The following EDIL3 variants were observed in gnomAD, a reference collection of about 807,000 sequenced individuals.
The protein encoded by EDIL3 is EGF like and discoidin domains 3, also known as EGF-like repeat and discoidin I-like domain-containing protein 3.
Under a neutral mutation model 67.4 loss-of-function variants are expected in EDIL3, and 37 were observed. The observed-to-expected ratio is 0.55, with a 90% CI of 0.42 to 0.72. EDIL3 has a LOEUF of 0.72. Ranked by LOEUF, EDIL3 falls within the 30% of genes least tolerant of loss-of-function variation. EDIL3 has a pLI of 0.00. For missense variants in EDIL3, 527 were observed against 586.3 expected (o/e 0.90, Z 1.04); for synonymous variants, 195 against 196.3 (o/e 0.99, Z 0.05).
chr5:84,223,450 G>T (rs1462432985), intron 3 of EDIL3, among the ~76,000 whole-genome samples: 1 of 151,670 alleles, frequency 6.6e-6, no homozygotes, highest in Non-Finnish European at 1.5e-5. Flanking sequence ...CCTTATAAAA[G>T]AAGGAGATTC....
At chr5:84,360,747 T>A (rs994354874) in intron 1 of EDIL3, among the ~76,000 whole-genome samples, 1 of 152,280 alleles carries the variant, frequency 6.6e-6, no homozygotes, top group Non-Finnish European at 1.5e-5. Flanking sequence ...GAAATTCTGA[T>A]TTCATTTCAC....
At chr5:83,952,702 T>A (rs1360686739) in intron 10 of EDIL3, among the ~76,000 whole-genome samples, 1 of 151,834 alleles carries the variant, frequency 6.6e-6, no homozygotes, top group Non-Finnish European at 1.5e-5. Context: ...TCACACTATG[T>A]ATTTTCCATC....
chr5:84,204,397 A>G (rs1743914246), intron 3 of EDIL3, among the ~76,000 whole-genome samples: 1 of 152,190 alleles, frequency 6.6e-6, no homozygotes, highest in Admixed American at 6.5e-5. Context: ...TATTCTCATC[A>G]AATGTAGATT....
At chr5:84,366,453 A>C (rs569708510) in intron 1 of EDIL3, among the ~76,000 whole-genome samples, 2 of 152,134 alleles carry the variant, frequency 1.3e-5, no homozygotes, top group African/African-American at 4.8e-5. Context: ...GAAACCTAGG[A>C]GCTTTACTTT....
chr5:84,206,930 G>A (rs1452181748), intron 3 of EDIL3, among the ~76,000 whole-genome samples: 1 of 152,160 alleles, frequency 6.6e-6, no homozygotes, highest in South Asian at 2.1e-4. Flanking sequence ...CAAACCCACA[G>A]TCAATATCAT....
chr5:84,063,932 T>C lies in EDIL3; in HGVS notation c.952+768A>G, dbSNP rs142242211. 5.5e-3 allele frequency among the ~76,000 whole-genome samples: 832 copies of C among 152,246 alleles called. 2 individuals carry two copies. The highest frequency in any genetic ancestry group is 7.5e-3 in the Non-Finnish European group (509 of 67,990). ...AATGTAAGAACAACTACCAAAAATA[T>C]AACAAGTGAAATGCCTAGATACAAT... On this transcript the variant is annotated intron_variant, in intron 8 of 10. Transcript: ENST00000296591.
intron 1 of EDIL3, among the ~76,000 whole-genome samples, chr5:84,379,407 C>T (rs538009159): frequency 6.6e-6 from 1 of 152,178 alleles, no homozygotes; most frequent in African/African-American, 2.4e-5. Flanking sequence ...TAGAATCTTG[C>T]AAGATCTAAA....
At chr5:84,242,156 T>C (rs1370878255) in intron 2 of EDIL3, among the ~76,000 whole-genome samples, 19 of 149,790 alleles carry the variant, frequency 1.3e-4, no homozygotes, top group Non-Finnish European at 1.9e-4. Flanking sequence ...GGCGTGAACC[T>C]GGGAGGCGGA....
intron 1 of EDIL3, among the ~76,000 whole-genome samples, chr5:84,263,757 T>C (rs1015881100): frequency 6.6e-6 from 1 of 152,190 alleles, no homozygotes. Context: ...AGAAACCTGA[T>C]GATGTAGGTG....
At chr5:84,032,840 T>G (rs557369524) in intron 9 of EDIL3, among the ~76,000 whole-genome samples, 3 of 152,210 alleles carry the variant, frequency 2.0e-5, no homozygotes, top group Non-Finnish European at 4.4e-5. Flanking sequence ...GTTATGTTTC[T>G]CCCATCAAAA....
At chr5:84,010,347 C>T (rs1012684130) in intron 9 of EDIL3, among the ~76,000 whole-genome samples, 3 of 152,202 alleles carry the variant, frequency 2.0e-5, no homozygotes, top group South Asian at 4.1e-4. Context: ...TTATCTCATT[C>T]TTTTTAAAAA....
chr5:84,171,279 C>T (rs941230670), intron 4 of EDIL3, among the ~76,000 whole-genome samples: 5 of 152,126 alleles, frequency 3.3e-5, no homozygotes, highest in Non-Finnish European at 7.3e-5. Context: ...CAATTTTCAA[C>T]TATTTTGGAC....
At chr5:84,265,657 CACA>C (rs1186658105) in intron 1 of EDIL3, among the ~76,000 whole-genome samples, 2 of 152,160 alleles carry the variant, frequency 1.3e-5, no homozygotes, top group African/African-American at 4.8e-5. Context: ...TATTCACAGC[CACA>C]ACAGTCTTAG....
At chr5:84,337,164 T>C (rs1328662612) in intron 1 of EDIL3, among the ~76,000 whole-genome samples, 2 of 152,162 alleles carry the variant, frequency 1.3e-5, no homozygotes, top group East Asian at 3.8e-4. Flanking sequence ...CATTGAAAAG[T>C]CCTCTGATAA....
chr5:84,008,187 T>A (rs1030818113), intron 9 of EDIL3, among the ~76,000 whole-genome samples: 1 of 152,028 alleles, frequency 6.6e-6, no homozygotes, highest in African/African-American at 2.4e-5. Context: ...TACAAACATA[T>A]GGTTAGAAAG....
chr5:84,214,715 T>G (rs1198237093), intron 3 of EDIL3, among the ~76,000 whole-genome samples: 1 of 151,764 alleles, frequency 6.6e-6, no homozygotes, highest in Non-Finnish European at 1.5e-5. Flanking sequence ...AAGAACTAAG[T>G]GTGGTTTGTT....
At chr5:84,205,088 T>A (rs2112382359) in intron 3 of EDIL3, among the ~76,000 whole-genome samples, 1 of 151,584 alleles carries the variant, frequency 6.6e-6, no homozygotes, top group African/African-American at 2.4e-5. Flanking sequence ...AGATTTTTTT[T>A]TTTTTTTTGT....
intron 3 of EDIL3, among the ~76,000 whole-genome samples, chr5:84,207,628 A>C (rs1097339): frequency 2.0e-5 from 3 of 148,086 alleles, no homozygotes; most frequent in African/African-American, 7.5e-5. Context: ...GAGGCATCAC[A>C]CTACCTGACT....
At chr5:84,292,731 A>G (rs916318495) in intron 1 of EDIL3, among the ~76,000 whole-genome samples, 25 of 152,280 alleles carry the variant, frequency 1.6e-4, no homozygotes, top group Admixed American at 1.1e-3. Flanking sequence ...ACTCATGGGT[A>G]TATTGAATAA....
Sources: allele counts gnomAD v4.1 joint callset (sites outside exome capture counted in the v4.1 genomes callset), GRCh38; gene constraint gnomAD v4.1.1; transcripts MANE v1.5; gene names NCBI Gene and HGNC (gene_info 2026-07-23, HGNC 2026-07-21).